NELL1: variants seen among roughly 807,000 people sequenced by gnomAD.
NELL1 encodes protein kinase C-binding protein NELL1.
NELL1 carries 76 observed loss-of-function variants against 107.4 expected under a neutral mutation model. The ratio of observed to expected loss-of-function variants is 0.71; its 90% CI spans 0.59 to 0.86. The LOEUF (loss-of-function observed/expected upper bound fraction) is 0.86, where lower values mean the gene tolerates loss of function less well. Among genes scored for constraint, NELL1 ranks in the 40% least tolerant of loss-of-function variants. NELL1 has a pLI of 0.00. For synonymous variants in NELL1, 353 were observed against 341.2 expected (o/e 1.03, Z -0.38); for missense variants, 1,024 against 1,005.5 (o/e 1.02, Z -0.25).
chr11:20,798,626 T>C (rs764579005), intron 3 of NELL1, among the ~76,000 whole-genome samples: 22 of 152,298 alleles, frequency 1.4e-4, no homozygotes, highest in South Asian at 4.1e-4. Flanking sequence ...TTGTTGCTGA[T>C]GAAAGATAGA....
chr11:20,840,299 A>C (rs1226577652), intron 3 of NELL1, among the ~76,000 whole-genome samples: 1 of 152,214 alleles, frequency 6.6e-6, no homozygotes, highest in Admixed American at 6.5e-5. Context: ...TATAATAAAA[A>C]TCTGTATACC....
At chr11:21,136,611 T>C (rs1855749052) in intron 13 of NELL1, among the ~76,000 whole-genome samples, 1 of 152,184 alleles carries the variant, frequency 6.6e-6, no homozygotes. Flanking sequence ...GAGACAAATC[T>C]ATTACAAACT....
At chr11:20,959,978 G>T (rs1314459887) in intron 11 of NELL1, among the ~76,000 whole-genome samples, 1 of 152,124 alleles carries the variant, frequency 6.6e-6, no homozygotes, top group Non-Finnish European at 1.5e-5. Flanking sequence ...CAAAATTGAG[G>T]ATAGTTATCT....
chr11:21,442,269 C>T (rs958985936), intron 15 of NELL1, among the ~76,000 whole-genome samples: 2 of 152,034 alleles, frequency 1.3e-5, no homozygotes, highest in African/African-American at 2.4e-5. Context: ...GATTCAGAAC[C>T]CTGCTCCTGG....
At chr11:20,719,322 C>A (rs753501420) in intron 2 of NELL1, among the ~76,000 whole-genome samples, 1 of 152,126 alleles carries the variant, frequency 6.6e-6, no homozygotes, top group Non-Finnish European at 1.5e-5. Flanking sequence ...GATTCTCTTG[C>A]TTCAGGTATT....
chr11:21,432,177 A>G (rs1156996512), intron 15 of NELL1, among the ~76,000 whole-genome samples: 2 of 152,106 alleles, frequency 1.3e-5, no homozygotes, highest in Admixed American at 6.6e-5. Context: ...TGTGTATCCT[A>G]GAGAATATAA....
At chr11:21,566,484 C>G (rs1326348835) in intron 17 of NELL1, among the ~76,000 whole-genome samples, 2 of 151,720 alleles carry the variant, frequency 1.3e-5, no homozygotes. Flanking sequence ...AACTTTATTT[C>G]CCTGCTTTTT....
At chr11:21,289,919 A>T (rs544586378) in intron 14 of NELL1, among the ~76,000 whole-genome samples, 29 of 152,284 alleles carry the variant, frequency 1.9e-4, no homozygotes, top group Non-Finnish European at 3.7e-4. Flanking sequence ...CCGAAAAGCC[A>T]CTTAGCCAGA....
chr11:21,565,317 C>T (rs1038140248), intron 17 of NELL1, among the ~76,000 whole-genome samples: 6 of 151,848 alleles, frequency 4.0e-5, no homozygotes, highest in African/African-American at 1.2e-4. Flanking sequence ...GACTCTTTCC[C>T]CTGTGGTAGT....
At position 21,281,799 on chromosome 11, in the gene NELL1, G is replaced by A. The variant is rs140099700; in HGVS notation, c.1549+52345G>A. Among the ~76,000 whole-genome samples the A allele has an allele frequency of 3.5e-3, 536 of 152,264 alleles. 2 individuals carry two copies. The highest frequency in any genetic ancestry group is 8.4e-3 in the Admixed American group (128 of 15,286). On this transcript the variant is annotated intron_variant, in intron 14 of 19. Transcript: ENST00000357134. The stretch of plus-strand genomic sequence containing the variant: ...CCGGATCTCATCTAAGACCATTAAG[G>A]TGCTACATCTAGGAGATGCCTATCT...
At position 20,986,431 on chromosome 11, in the gene NELL1, T is replaced by C. The variant is rs1484043769; in HGVS notation, c.1300+25871T>C. Among the ~76,000 whole-genome samples, 10 of 152,222 alleles carry C rather than the reference T, an allele frequency of 6.6e-5. No homozygotes were observed. The South Asian group carries it at 1.9e-3, about 28-fold the overall frequency. ...CTCCAATTTGGAGATGCTTGTCTTA[T>C]TGACCTTTTCCTTGTGCACCCTTGG... On this transcript the variant is annotated intron_variant, in intron 12 of 19. Transcript: ENST00000357134.
intron 13 of NELL1, among the ~76,000 whole-genome samples, chr11:21,141,146 C>T (rs914008848): frequency 4.6e-5 from 7 of 152,176 alleles, no homozygotes; most frequent in Admixed American, 6.5e-5. Flanking sequence ...CCATTGCACA[C>T]ATAATGTATT....
chr11:21,300,647 T>C (rs559620013), intron 14 of NELL1, among the ~76,000 whole-genome samples: 1 of 152,100 alleles, frequency 6.6e-6, no homozygotes, highest in South Asian at 2.1e-4. Context: ...TGTGTGAGTC[T>C]GGTAGAAGCT....
chr11:20,915,642 T>C (rs10766745), intron 5 of NELL1, among the ~76,000 whole-genome samples: 78,049 of 138,204 alleles, frequency 0.56, 27,092 homozygotes, highest in Non-Finnish European at 0.77. Context: ...CCTTATCTCC[T>C]TTGGGAGAAG....
At chr11:20,885,598 T>G (rs1228661320) in intron 5 of NELL1, 58 bp downstream of exon 5, 1 of 1,049,258 alleles carries the variant, frequency 9.5e-7, no homozygotes, top group Middle Eastern at 2.0e-4. Context: ...CAGTTTTCTG[T>G]GTTATTTATT....
At chr11:20,806,686 G>A (rs1023374723) in intron 3 of NELL1, among the ~76,000 whole-genome samples, 16 of 151,822 alleles carry the variant, frequency 1.1e-4, no homozygotes, top group African/African-American at 3.1e-4. Context: ...TTGCCCTTTC[G>A]AAGCTATTTT....
At chr11:21,355,982 A>C (rs1469975009) in intron 14 of NELL1, among the ~76,000 whole-genome samples, 1 of 151,470 alleles carries the variant, frequency 6.6e-6, no homozygotes, top group Non-Finnish European at 1.5e-5. Flanking sequence ...TTCATGGCTC[A>C]CTCTTTTCCC....
intron 12 of NELL1, among the ~76,000 whole-genome samples, chr11:21,102,753 C>T (rs572936890): frequency 2.6e-5 from 4 of 152,242 alleles, no homozygotes; most frequent in South Asian, 4.2e-4. Context: ...TCCGTTCCAC[C>T]TTTGGGTTGT....
At chr11:20,700,349 C>T (rs1224862889) in intron 2 of NELL1, among the ~76,000 whole-genome samples, 1 of 151,784 alleles carries the variant, frequency 6.6e-6, no homozygotes, top group Non-Finnish European at 1.5e-5. Flanking sequence ...CATGGTGGCA[C>T]GTGCCTGTAG....
Sources: allele counts gnomAD v4.1 joint callset (sites outside exome capture counted in the v4.1 genomes callset), GRCh38; gene constraint gnomAD v4.1.1; transcripts MANE v1.5; gene names NCBI Gene and HGNC (gene_info 2026-07-23, HGNC 2026-07-21).